The following CCDC33 variants were observed in gnomAD, a reference collection of about 807,000 sequenced individuals.
CCDC33 encodes the protein coiled-coil domain containing 33.
CCDC33 carries 94 observed loss-of-function variants against 91.9 expected under a neutral mutation model. The ratio of observed to expected loss-of-function variants is 1.02; its 90% CI spans 0.87 to 1.21. The LOEUF (loss-of-function observed/expected upper bound fraction) is 1.21, where lower values mean the gene tolerates loss of function less well. Ranked by LOEUF, CCDC33 falls within the 50% of genes most tolerant of loss-of-function variation. CCDC33 has a pLI of 0.00. For missense variants in CCDC33, 940 were observed against 935.5 expected (o/e 1.00, Z -0.06); for synonymous variants, 396 against 374.5 (o/e 1.06, Z -0.66).
chr15:74,281,839 T>A lies in CCDC33; in HGVS notation c.1085T>A (p.Leu362His), dbSNP rs775628466. The change falls in exon 10 of 19, where the codon CTT (leucine) becomes CAT (histidine). Residue 362 changes from leucine to histidine, a missense_variant. Coordinates refer to ENST00000398814, the MANE Select transcript of CCDC33 (RefSeq NM_025055.5). ...ACAGTGGCTCTCTCCTTCCAGCTGC[T>A]TTCCTCTGAGGTAAGGCTGTGGGCC... Reference protein sequence around the residue: ...APTVALSFQLLSSERPENFLT... With the variant: ...APTVALSFQLHSSERPENFLT... The A allele has an allele frequency of 6.2e-7, 1 of 1,613,894 alleles. No individual in the cohort carries two copies. The highest frequency in any genetic ancestry group is 8.5e-7 in the Non-Finnish European group (1 of 1,179,832).
At chr15:74,251,178 T>C (rs982496915) in intron 2 of CCDC33, among the ~76,000 whole-genome samples, 1 of 152,244 alleles carries the variant, frequency 6.6e-6, no homozygotes, top group African/African-American at 2.4e-5. Context: ...GGAAACACTC[T>C]CAGTTCTTTA....
chr15:74,283,014 C>G (rs767758036), intron 10 of CCDC33, among the ~76,000 whole-genome samples: 113 of 152,334 alleles, frequency 7.4e-4, no homozygotes, highest in Middle Eastern at 6.8e-3. Flanking sequence ...GCACTTGGCT[C>G]TGTGACCTCA....
chr15:74,290,177 T>C (rs2059559323), intron 10 of CCDC33, among the ~76,000 whole-genome samples: 1 of 102,930 alleles, frequency 9.7e-6, no homozygotes, highest in Non-Finnish European at 2.5e-5. Context: ...GTTAGGTTTC[T>C]TTTCCTTTTT....
In CCDC33 at chr15:74,309,390, C is replaced by T. The variant is rs80066185; in HGVS notation, c.1290+13442C>T. On this transcript the variant is annotated intron_variant, in intron 11 of 18. Transcript: ENST00000398814. ...AGTGGGTGCTCAGTAAGTGTGTGCT[C>T]ACTGAATGCACAGAATGCCCTTCCT... Among the ~76,000 whole-genome samples, 424 of 152,312 alleles carry T rather than the reference C, an allele frequency of 2.8e-3. 4 individuals are homozygous for T. Among genetic ancestry groups the T allele is most frequent in the African/African-American group, 0.01 (416 of 41,572 alleles).
chr15:74,203,064 C>G (rs1007731916), exon 1 of CCDC33: 2 of 985,606 alleles, frequency 2.0e-6, no homozygotes, highest in Non-Finnish European at 2.4e-6. Context: ...CAGTGCCGCA[C>G]ACAGACAGGA....
chr15:74,280,886 A>C, intron 9 of CCDC33, 85 bp downstream of exon 9: 4 of 1,277,916 alleles, frequency 3.1e-6, no homozygotes, highest in Non-Finnish European at 4.0e-6. Context: ...CCACACCTCC[A>C]TAGGAGAATT....
intron 11 of CCDC33, chr15:74,311,671 G>A (rs1208980460): frequency 1.3e-5 from 2 of 152,190 alleles, no homozygotes; most frequent in African/African-American, 4.8e-5. Flanking sequence ...GCTTTGCTCT[G>A]GGTTAGATGA....
At chr15:74,260,768 T>G (rs2076002333) in intron 2 of CCDC33, among the ~76,000 whole-genome samples, 2 of 151,990 alleles carry the variant, frequency 1.3e-5, no homozygotes, top group African/African-American at 4.8e-5. Context: ...GGGGGCATGA[T>G]GGGGAAAAAT....
At chr15:74,297,472 C>T (rs962970951) in intron 11 of CCDC33, among the ~76,000 whole-genome samples, 2 of 152,044 alleles carry the variant, frequency 1.3e-5, no homozygotes, top group African/African-American at 4.8e-5. Flanking sequence ...GTGGGAGGAT[C>T]GCTTGAGCCC....
At chr15:74,205,694 G>C (rs1472140935) in intron 1 of CCDC33, among the ~76,000 whole-genome samples, 1 of 152,214 alleles carries the variant, frequency 6.6e-6, no homozygotes, top group Non-Finnish European at 1.5e-5. Context: ...CCCAGGGGCT[G>C]CAGCCAGGCT....
chr15:74,326,936 T>C (rs946034286), intron 11 of CCDC33, among the ~76,000 whole-genome samples: 3 of 152,028 alleles, frequency 2.0e-5, no homozygotes, highest in African/African-American at 7.3e-5. Context: ...CTCCAGGCTG[T>C]AGGGAGTGGT....
At chr15:74,203,190 A>G (rs2074163900) in intron 1 of CCDC33, 6 of 982,550 alleles carry the variant, frequency 6.1e-6, no homozygotes, top group Non-Finnish European at 7.2e-6. Flanking sequence ...AGGAGGCAAC[A>G]TGTGTCTCAT....
chr15:74,258,994 C>G (rs1275606835), intron 2 of CCDC33, among the ~76,000 whole-genome samples: 1 of 152,118 alleles, frequency 6.6e-6, no homozygotes, highest in Non-Finnish European at 1.5e-5. Flanking sequence ...GAGGGTAGGC[C>G]AGGTTGAGGG....
chr15:74,281,284 A>T (rs141938267), intron 9 of CCDC33, among the ~76,000 whole-genome samples: 1 of 152,248 alleles, frequency 6.6e-6, no homozygotes, highest in African/African-American at 2.4e-5. Flanking sequence ...TGGTTCCACC[A>T]CATACCAGCT....
At chr15:74,280,302 C>T (rs1384846316) in intron 8 of CCDC33, among the ~76,000 whole-genome samples, 2 of 152,142 alleles carry the variant, frequency 1.3e-5, no homozygotes, top group Admixed American at 1.3e-4. Flanking sequence ...AGGTCTTGGC[C>T]CCAAGCTTTG....
At chr15:74,236,789 T>G (rs11633321) in intron 1 of CCDC33, 49 bp downstream of exon 1, 911,117 of 1,589,276 alleles carry the variant, frequency 0.57, 274,415 homozygotes, top group Non-Finnish European at 0.63. Context: ...CGTCCCTCCT[T>G]CAAAGTCCTT....
chr15:74,333,973 T>C lies in CCDC33; in HGVS notation c.2025+6T>C, dbSNP rs141243349. The C allele has an allele frequency of 2.3e-5, 37 of 1,611,322 alleles. No individual in the cohort carries two copies. In the East Asian group the frequency reaches 8.0e-4, roughly 35 times the overall value. On this transcript the variant is annotated splice_donor_region_variant and intron_variant, in intron 17 of 18. Transcript: ENST00000398814. ...TCCTGTCCCTGGAAAGCCAGGTGGG[T>C]GAGATGCAGGAGTTGATGAGGCTGG...
chr15:74,263,381 C>T (rs1258210590), intron 3 of CCDC33, among the ~76,000 whole-genome samples: 1 of 152,186 alleles, frequency 6.6e-6, no homozygotes, highest in East Asian at 1.9e-4. Flanking sequence ...TGCAGGTGGT[C>T]TCTCCCTGAG....
At chr15:74,306,096 C>G (rs1270925454) in intron 11 of CCDC33, among the ~76,000 whole-genome samples, 3 of 152,150 alleles carry the variant, frequency 2.0e-5, no homozygotes, top group Non-Finnish European at 4.4e-5. Flanking sequence ...GGCAGCACAA[C>G]TCACCCAGGC....
Sources: gnomAD v4.1 joint callset for allele counts (sites outside exome capture counted in the v4.1 genomes callset) on GRCh38, gnomAD v4.1.1 for gene constraint, MANE v1.5 for transcripts, NCBI Gene and HGNC (gene_info 2026-07-23, HGNC 2026-07-21) for gene names.